Variants in IMMP2L observed in about 807,000 individuals in gnomAD.
The protein encoded by IMMP2L is inner mitochondrial membrane peptidase subunit 2, also known as mitochondrial inner membrane protease subunit 2.
IMMP2L carries 18 observed loss-of-function variants against 19.3 expected under a neutral mutation model. The observed-to-expected ratio is 0.93, with a 90% confidence interval of 0.64 to 1.38. The LOEUF (loss-of-function observed/expected upper bound fraction) is 1.38. Ranked by LOEUF, IMMP2L falls within the 40% of genes most tolerant of loss-of-function variation. IMMP2L has a pLI of 0.00. For synonymous variants in IMMP2L, 76 were observed against 73.0 expected (o/e 1.04, Z -0.21); for missense variants, 233 against 218.2 (o/e 1.07, Z -0.43).
chr7:111,474,992 C>G (rs969318017), intron 3 of IMMP2L, among the ~76,000 whole-genome samples: 1 of 152,036 alleles, frequency 6.6e-6, no homozygotes, highest in Non-Finnish European at 1.5e-5. Context: ...TACACAAATC[C>G]TTGCAATATA....
At chr7:111,095,857 T>C (rs1158301899) in intron 3 of IMMP2L, among the ~76,000 whole-genome samples, 6 of 151,872 alleles carry the variant, frequency 4.0e-5, no homozygotes, top group East Asian at 1.9e-4. Flanking sequence ...TGGAAAACAA[T>C]AAATATATTA....
intron 3 of IMMP2L, among the ~76,000 whole-genome samples, chr7:111,359,253 G>A (rs1216762371): frequency 6.6e-6 from 1 of 152,114 alleles, no homozygotes; most frequent in Middle Eastern, 3.4e-3. Context: ...ACAAAAGCTA[G>A]GGCCAGGGCA....
intron 1 of IMMP2L, among the ~76,000 whole-genome samples, chr7:111,550,684 T>A (rs1349940229): frequency 6.6e-6 from 1 of 152,192 alleles, no homozygotes; most frequent in African/African-American, 2.4e-5. Context: ...AATTATTACT[T>A]CACAGGTCCT....
intron 5 of IMMP2L, among the ~76,000 whole-genome samples, chr7:110,774,951 G>A (rs1284324922): frequency 2.0e-5 from 3 of 151,978 alleles, no homozygotes; most frequent in East Asian, 1.9e-4. Flanking sequence ...TAATGAACTG[G>A]TTAAATAAAT....
intron 5 of IMMP2L, among the ~76,000 whole-genome samples, chr7:110,825,013 T>C (rs954522278): frequency 6.6e-6 from 1 of 152,106 alleles, no homozygotes; most frequent in Non-Finnish European, 1.5e-5. Flanking sequence ...AAAATCAATG[T>C]GCAAAAATCA....
chr7:110,922,794 T>A (rs1814434049), intron 4 of IMMP2L, among the ~76,000 whole-genome samples: 1 of 152,154 alleles, frequency 6.6e-6, no homozygotes, highest in African/African-American at 2.4e-5. Flanking sequence ...CAAATGTATA[T>A]CATGAGCAAA....
intron 5 of IMMP2L, among the ~76,000 whole-genome samples, chr7:110,774,290 T>C (rs1470788967): frequency 3.9e-5 from 6 of 152,070 alleles, no homozygotes; most frequent in African/African-American, 1.2e-4. Context: ...TGGCTAGCAA[T>C]TGAAACTGTT....
chr7:111,016,802 A>T (rs374713333), intron 3 of IMMP2L, among the ~76,000 whole-genome samples: 16 of 51,100 alleles, frequency 3.1e-4, no homozygotes, highest in South Asian at 1.8e-3. Context: ...ATAATATATA[A>T]TATATACTAT....
At position 110,898,078 on chromosome 7, in the gene IMMP2L, C is replaced by T. The variant is rs147933447; in HGVS notation, c.306-11383G>A. On this transcript the variant is annotated intron_variant, in intron 4 of 5. Transcript: ENST00000405709. ...TTCCAAAGAAAGCATTATGATGTTA[C>T]CATATTTATGCTTTTGTGTAAATTA... 2.5e-3 allele frequency among the ~76,000 whole-genome samples: 379 copies of T among 151,370 alleles called. 1 individual carries two copies. The highest frequency in any genetic ancestry group is 8.5e-3 in the African/African-American group (353 of 41,346).
At chr7:111,556,016 A>ATGTGTG (rs1308276307) in intron 1 of IMMP2L, among the ~76,000 whole-genome samples, 549 of 14,180 alleles carry the variant, frequency 0.039, 23 homozygotes, top group African/African-American at 0.063. Flanking sequence ...TTCTGTGTGC[A>ATGTGTG]TGTATATATA....
intron 5 of IMMP2L, among the ~76,000 whole-genome samples, chr7:110,705,931 A>G (rs1046529983): frequency 1.3e-5 from 2 of 152,086 alleles, no homozygotes; most frequent in Admixed American, 6.6e-5. Flanking sequence ...TCCATGGTGT[A>G]TATGTACTAC....
chr7:111,061,633 T>C (rs1400867082), intron 3 of IMMP2L, among the ~76,000 whole-genome samples: 1 of 152,136 alleles, frequency 6.6e-6, no homozygotes, highest in Non-Finnish European at 1.5e-5. Flanking sequence ...GCCACCTCAA[T>C]TGTCCATGCC....
chr7:111,531,206 C>T lies in IMMP2L; in HGVS notation c.-2-9757G>A, dbSNP rs565203900. ...TCCTGACCTTGTGATCCGCCCGCCT[C>T]GGCCTCCCAAAGTGCTGGGATTACA... On this transcript the variant is annotated intron_variant, in intron 1 of 5. Coordinates refer to ENST00000405709, the MANE Select transcript of IMMP2L (RefSeq NM_032549.4). Among the ~76,000 whole-genome samples the T allele has an allele frequency of 1.4e-4, 22 of 152,016 alleles. 1 individual carries two copies. Among genetic ancestry groups the T allele is most frequent in the African/African-American group, 5.1e-4 (21 of 41,502 alleles).
At chr7:111,093,839 C>T (rs978905560) in intron 3 of IMMP2L, among the ~76,000 whole-genome samples, 1 of 152,240 alleles carries the variant, frequency 6.6e-6, no homozygotes, top group African/African-American at 2.4e-5. Flanking sequence ...CCAGAAATAG[C>T]ACCTTCCTGG....
chr7:110,729,340 T>C (rs1796100493), intron 5 of IMMP2L, among the ~76,000 whole-genome samples: 1 of 152,144 alleles, frequency 6.6e-6, no homozygotes, highest in Non-Finnish European at 1.5e-5. Context: ...AAGCATATCT[T>C]AGATGGTGGC....
chr7:110,938,747 A>G (rs1406777748), intron 4 of IMMP2L, among the ~76,000 whole-genome samples: 1 of 152,148 alleles, frequency 6.6e-6, no homozygotes, highest in Non-Finnish European at 1.5e-5. Flanking sequence ...CAATACAAAA[A>G]TAGTTGCTCT....
At chr7:111,241,061 A>C (rs181232036) in intron 3 of IMMP2L, among the ~76,000 whole-genome samples, 1 of 152,096 alleles carries the variant, frequency 6.6e-6, no homozygotes, top group Admixed American at 6.6e-5. Flanking sequence ...AAAACCTTTA[A>C]GATAACAGTA....
At chr7:111,451,971 G>A (rs1201076815) in intron 3 of IMMP2L, among the ~76,000 whole-genome samples, 2 of 152,126 alleles carry the variant, frequency 1.3e-5, no homozygotes, top group African/African-American at 4.8e-5. Flanking sequence ...ACACAGACTT[G>A]AAACAATTCT....
intron 3 of IMMP2L, among the ~76,000 whole-genome samples, chr7:111,075,529 T>C (rs771627905): frequency 5.3e-5 from 8 of 152,304 alleles, no homozygotes; most frequent in South Asian, 4.1e-4. Context: ...ATACTCGAAA[T>C]TGCAGGAACA....
Sources: gnomAD v4.1 joint callset for allele counts (sites outside exome capture counted in the v4.1 genomes callset) on GRCh38, gnomAD v4.1.1 for gene constraint, MANE v1.5 for transcripts, NCBI Gene and HGNC (gene_info 2026-07-23, HGNC 2026-07-21) for gene names.